Variants in EMC2 observed in about 807,000 individuals in gnomAD.
EMC2 encodes the protein ER membrane protein complex subunit 2.
In EMC2, 37 loss-of-function variants were observed where a neutral mutation model predicts 51.6. The ratio of observed to expected loss-of-function variants is 0.72; its 90% confidence interval spans 0.55 to 0.94. The LOEUF (loss-of-function observed/expected upper bound fraction) is 0.94, where lower values mean the gene tolerates loss of function less well. Among genes scored for constraint, EMC2 ranks in the 40% least tolerant of loss-of-function variants. The pLI is 0.00. For missense variants in EMC2, 359 were observed against 350.9 expected (o/e 1.02, Z -0.18); for synonymous variants, 131 against 112.4 (o/e 1.17, Z -1.04).
chr8:108,480,222 TATTC>T (rs1167905303), intron 10 of EMC2, among the ~76,000 whole-genome samples: 3 of 152,144 alleles, frequency 2.0e-5, no homozygotes, highest in Non-Finnish European at 2.9e-5. Flanking sequence ...CTATGTCCTT[TATTC>T]ATTTTCTTTC....
At chr8:108,474,609 A>G (rs1341917705) in intron 7 of EMC2, 2 of 151,808 alleles carry the variant, frequency 1.3e-5, no homozygotes, top group East Asian at 1.9e-4. Flanking sequence ...TCATAAATCT[A>G]AAATGCTGTA....
chr8:108,486,430 C>A lies in EMC2; in HGVS notation c.808-82C>A, dbSNP rs370491821. On this transcript the variant is annotated intron_variant, in intron 10 of 10. Coordinates refer to ENST00000220853, the MANE Select transcript of EMC2 (RefSeq NM_014673.5). ...TGATAAAATAGTCAATGTTAAGTTT[C>A]ATTAACAGTGTGAAGATTGTCATTT... The A allele has an allele frequency of 1.4e-5, 20 of 1,425,752 alleles. No homozygotes were observed. In the East Asian group the frequency reaches 4.9e-4, roughly 35 times the overall value. The allele number at this position is 1,425,752 out of a possible 1,614,324, so 88.3% of individuals were successfully genotyped here.
At chr8:108,483,146 A>G (rs1811077279) in intron 10 of EMC2, among the ~76,000 whole-genome samples, 1 of 152,144 alleles carries the variant, frequency 6.6e-6, no homozygotes, top group Non-Finnish European at 1.5e-5. Flanking sequence ...GATGGCCATA[A>G]TGAAATATTC....
rs770996781 is a variant in EMC2 at position 108,443,683 on chromosome 8, G to A, written c.25G>A (p.Asp9Asn). Residue 9 changes from aspartate to asparagine, a missense_variant, in exon 1 of 11, where the codon GAT becomes AAT. Physicochemically the swap from Asp to Asn is conservative, Grantham distance 23. Transcript: ENST00000220853. The stretch of plus-strand genomic sequence containing the variant: ...GATGGCGAAGGTCTCAGAGCTTTAC[G>A]ATGTCACTTGGGAAGGTAACTTCGG... Reference protein sequence around the residue: MAKVSELYDVTWEEMRDKM... With the variant: MAKVSELYNVTWEEMRDKM... 3 of 1,610,026 alleles carry A rather than the reference G, an allele frequency of 1.9e-6. No homozygotes were observed. The highest frequency in any genetic ancestry group is 1.3e-5 in the African/African-American group (1 of 74,846).
At chr8:108,447,559 G>C (rs1034601174) in intron 1 of EMC2, among the ~76,000 whole-genome samples, 1 of 152,146 alleles carries the variant, frequency 6.6e-6, no homozygotes, top group Non-Finnish European at 1.5e-5. Flanking sequence ...CAGGATTGGA[G>C]GAAGTAGTTT....
At chr8:108,461,616 GAAT>G (rs1394346539) in intron 5 of EMC2, among the ~76,000 whole-genome samples, 2 of 152,132 alleles carry the variant, frequency 1.3e-5, no homozygotes, top group Non-Finnish European at 2.9e-5. Flanking sequence ...AGGAAAGAAG[GAAT>G]AAGGTAATTA....
At chr8:108,477,847 A>G (rs549816138) in intron 9 of EMC2, among the ~76,000 whole-genome samples, 1 of 152,152 alleles carries the variant, frequency 6.6e-6, no homozygotes, top group South Asian at 2.1e-4. Context: ...TCTGTTTTTT[A>G]TTTTAAATCA....
At chr8:108,472,643 T>C (rs1586189696) in intron 7 of EMC2, among the ~76,000 whole-genome samples, 1 of 152,014 alleles carries the variant, frequency 6.6e-6, no homozygotes, top group East Asian at 1.9e-4. Context: ...ATCAGTTCAC[T>C]TGATTCATTT....
At chr8:108,451,196 CTG>C (rs1819010698) in intron 3 of EMC2, among the ~76,000 whole-genome samples, 2 of 129,634 alleles carry the variant, frequency 1.5e-5, no homozygotes, top group East Asian at 2.1e-4. Flanking sequence ...GAGCGAGACT[CTG>C]TCTCAAAAAA....
At chr8:108,456,008 A>G (rs906640186) in intron 5 of EMC2, 78 bp downstream of exon 5, 7 of 539,486 alleles carry the variant, frequency 1.3e-5, no homozygotes, top group African/African-American at 1.2e-4. Context: ...TAATAGATAC[A>G]TAAGGAACTA....
At position 108,449,951 on chromosome 8, in the gene EMC2, T is replaced by A; in HGVS notation, c.154+15T>A. On this transcript the variant is annotated intron_variant, in intron 2 of 10. Coordinates refer to ENST00000220853, the MANE Select transcript of EMC2 (RefSeq NM_014673.5). The stretch of plus-strand genomic sequence containing the variant: ...GGGAGATGATAGTAAGTTCTTTTAT[T>A]ACATTCAGGCTCAGTACATGCCTCA... 1 of 1,242,044 alleles carries A rather than the reference T, an allele frequency of 8.1e-7. No individual in the cohort carries two copies. Among genetic ancestry groups the A allele is most frequent in the Non-Finnish European group, 1.2e-6 (1 of 850,894 alleles). The allele number at this position is 1,242,044 out of a possible 1,614,324, so 76.9% of individuals were successfully genotyped here.
At chr8:108,446,247 A>G (rs1241872392) in intron 1 of EMC2, 3 of 405,074 alleles carry the variant, frequency 7.4e-6, no homozygotes, top group Non-Finnish European at 1.0e-5. Context: ...AGAAGTAAAT[A>G]TTAGTGGAAT....
chr8:108,445,441 C>G (rs548649357), intron 1 of EMC2, among the ~76,000 whole-genome samples: 1 of 152,180 alleles, frequency 6.6e-6, no homozygotes, highest in Admixed American at 6.5e-5. Context: ...CTGGCACATG[C>G]TAGTCCTTCC....
At chr8:108,483,833 C>G (rs1366619716) in intron 10 of EMC2, among the ~76,000 whole-genome samples, 1 of 152,072 alleles carries the variant, frequency 6.6e-6, no homozygotes, top group Non-Finnish European at 1.5e-5. Flanking sequence ...GAGTATATAA[C>G]TTTCAGAGAA....
chr8:108,463,559 T>C (rs1409032517), intron 5 of EMC2, among the ~76,000 whole-genome samples: 1 of 152,226 alleles, frequency 6.6e-6, no homozygotes. Context: ...TATTGTCTTT[T>C]AGTTGATTTC....
rs567121101 is a variant in EMC2 at position 108,488,912 on chromosome 8, G to GGCTT, written c.*2315_*2318dup. ...AAATGAACAGAACCCTACTGAGAAG[G>GGCTT]GCTTTCCTTTCAAATTAAAAAATCA... is the stretch of plus-strand genomic sequence containing the variant. On this transcript the variant is annotated 3_prime_UTR_variant, in exon 11 of 11. Transcript: ENST00000220853. Among the ~76,000 whole-genome samples the GGCTT allele has an allele frequency of 4.6e-5, 7 of 152,224 alleles. No individual in the cohort carries two copies. In the South Asian group the frequency reaches 1.2e-3, roughly 27 times the overall value.
intron 7 of EMC2, among the ~76,000 whole-genome samples, chr8:108,473,405 G>A (rs186242383): frequency 2.7e-4 from 41 of 152,114 alleles, no homozygotes; most frequent in Admixed American, 4.6e-4. Context: ...GGATTTTTGC[G>A]TTAGGGATGT....
intron 10 of EMC2, among the ~76,000 whole-genome samples, chr8:108,482,986 G>A (rs533731344): frequency 7.9e-5 from 12 of 152,022 alleles, no homozygotes; most frequent in South Asian, 2.1e-4. Context: ...CATGAGTCCC[G>A]TCCATGGAAG....
intron 1 of EMC2, among the ~76,000 whole-genome samples, chr8:108,444,293 C>G (rs1386681006): frequency 6.6e-6 from 1 of 152,206 alleles, no homozygotes; most frequent in East Asian, 1.9e-4. Flanking sequence ...TTCTTTCTTA[C>G]TCCCTACTAG....
Sources: allele counts gnomAD v4.1 joint callset (sites outside exome capture counted in the v4.1 genomes callset), GRCh38; gene constraint gnomAD v4.1.1; transcripts MANE v1.5; gene names NCBI Gene and HGNC (gene_info 2026-07-23, HGNC 2026-07-21).